OGFR: variants seen among roughly 807,000 people sequenced by gnomAD.
The protein encoded by OGFR is opioid growth factor receptor.
A neutral mutation model predicts 33.6 loss-of-function variants in OGFR; 18 were observed. The observed-to-expected ratio is 0.54, with a 90% CI of 0.37 to 0.80. The LOEUF is 0.80. Among genes scored for constraint, OGFR ranks in the 30% least tolerant of loss-of-function variants. The probability of loss-of-function intolerance (pLI) is 0.00; values close to 1 mark genes in which losing one functional copy is unlikely to be tolerated. For missense variants in OGFR, 877 were observed against 955.8 expected (o/e 0.92, Z 1.09); for synonymous variants, 370 against 400.7 (o/e 0.92, Z 0.91).
In OGFR at chr20:62,808,974, C is replaced by CAA. The variant is rs5842400; in HGVS notation, c.320-583_320-582dup. ...TGGGCAACAGAATGAGACTCTGTCTCAAAAAAAAAAAAAAAAAAAAAAAAA... is the reference window on the plus strand; with the variant it reads ...TGGGCAACAGAATGAGACTCTGTCTCAAAAAAAAAAAAAAAAAAAAAAAAAAA... On this transcript the variant is annotated intron_variant, in intron 3 of 6. Transcript: ENST00000290291. Among the ~76,000 whole-genome samples, 255 of 68,398 alleles carry CAA rather than the reference C, an allele frequency of 3.7e-3. 29 individuals are homozygous for CAA. Among genetic ancestry groups the CAA allele is most frequent in the Non-Finnish European group, 5.2e-3 (194 of 37,204 alleles). The allele number at this position is 68,398 out of a possible 152,430, so 44.9% of individuals were successfully genotyped here.
At chr20:62,809,377 T>C (rs573474571) in intron 3 of OGFR, among the ~76,000 whole-genome samples, 89 of 152,298 alleles carry the variant, frequency 5.8e-4, no homozygotes, top group Admixed American at 5.2e-3. Flanking sequence ...AGGTCACAGA[T>C]GGCAGCAGGG....
intron 2 of OGFR, chr20:62,807,836 G>A (rs1416178751): frequency 2.5e-5 from 15 of 604,534 alleles, no homozygotes; most frequent in Middle Eastern, 8.7e-4. Flanking sequence ...GCACACCGTC[G>A]CCTTGCAAAC....
chr20:62,805,552 T>G (rs1371247758), intron 1 of OGFR: 1 of 152,510 alleles, frequency 6.6e-6, no homozygotes, highest in Non-Finnish European at 1.5e-5. Flanking sequence ...GGGTTACTTT[T>G]GTTGCCGCGC....
At chr20:62,811,099 C>T (rs1363513373) in intron 5 of OGFR, among the ~76,000 whole-genome samples, 5 of 152,214 alleles carry the variant, frequency 3.3e-5, no homozygotes, top group East Asian at 1.9e-4. Context: ...CCGTGGCTCA[C>T]GTTTGTAATC....
intron 3 of OGFR, among the ~76,000 whole-genome samples, 161 bp downstream of exon 3, chr20:62,808,486 C>A (rs1363400308): frequency 6.6e-6 from 1 of 152,144 alleles, no homozygotes; most frequent in East Asian, 1.9e-4. Context: ...CTCCAGGATC[C>A]CCGGCTTGGG....
chr20:62,806,188 G>A (rs554668435), intron 1 of OGFR: 2 of 152,422 alleles, frequency 1.3e-5, no homozygotes, highest in Non-Finnish European at 1.5e-5. Context: ...CCCCAGGAAG[G>A]AGAAGTAGAA....
chr20:62,807,509 G>A, intron 1 of OGFR, 28 bp from the exon 2 acceptor site: 1 of 1,607,290 alleles, frequency 6.2e-7, no homozygotes, highest in Non-Finnish European at 8.5e-7. Context: ...TCCCATGGGG[G>A]TCCTAATCCC....
chr20:62,813,717 G>C lies in OGFR; in HGVS notation c.*68G>C. ...TGCAGGGGCTGGGGCCTCCGGAGCT[G>C]CTGCGGGCTCCCCTCAGGCTCTGCT... On this transcript the variant is annotated 3_prime_UTR_variant, in exon 7 of 7. Coordinates refer to ENST00000290291, the MANE Select transcript of OGFR (RefSeq NM_007346.4). The C allele has an allele frequency of 6.4e-7, 1 of 1,562,428 alleles. No homozygotes were observed. The highest frequency in any genetic ancestry group is 8.8e-7 in the Non-Finnish European group (1 of 1,137,272).
rs762788174 is a variant in OGFR, at chr20:62,813,743, TCGTGACC to T, written c.*103_*109del. 16 of 1,447,018 alleles carry T rather than the reference TCGTGACC, an allele frequency of 1.1e-5. No homozygotes were observed. In the South Asian group the frequency reaches 1.6e-4, roughly 15 times the overall value. 89.6% of individuals were successfully genotyped at this position (1,447,018 alleles called of 1,614,324 possible). On this transcript the variant is annotated 3_prime_UTR_variant, in exon 7 of 7. Coordinates refer to ENST00000290291, the MANE Select transcript of OGFR (RefSeq NM_007346.4). ...CTGCGGGCTCCCCTCAGGCTCTGCT[TCGTGACC>T]CGTGACCCATGACCCACAGTGCTGG...
In OGFR at chr20:62,808,076, C is replaced by G. The variant is rs529359972; in HGVS notation, c.241-171C>G. ...AAGGGGGGTCCCTGGGGCTTGGAGG[C>G]AGCTGCTGTCCTCTGAATGGCCCCC... On this transcript the variant is annotated intron_variant, in intron 2 of 6. Transcript: ENST00000290291. 607 of 684,892 alleles carry G rather than the reference C, an allele frequency of 8.9e-4. 12 individuals carry two copies. The highest frequency in any genetic ancestry group is 8.8e-3 in the South Asian group (561 of 63,846). 42.4% of individuals were successfully genotyped at this position (684,892 alleles called of 1,614,324 possible).
At chr20:62,806,478 T>C (rs1297601010) in intron 1 of OGFR, 3 of 150,842 alleles carry the variant, frequency 2.0e-5, no homozygotes. Context: ...AGGTGGAGGT[T>C]GCAGTGAGTG....
rs369092439 is a variant in OGFR at position 62,813,220 on chromosome 20, C to T, written c.1605C>T (p.Ala535=). 6.2e-5 allele frequency: 95 copies of T among 1,520,842 alleles called. No homozygotes were observed. The East Asian group carries it at 1.7e-3, about 28-fold the overall frequency. The allele number at this position is 1,520,842 out of a possible 1,614,324, so 94.2% of individuals were successfully genotyped here. A position where few individuals can be genotyped will look rare whatever the true frequency, so the allele number is the denominator to read the frequency against. ...CAGGACCTGCAGGGGACGAGCCAGC[C>T]GAGAGCCCATCGGAGACCCCAGGCC... ...SPAGPAGDEP[A]ESPSETPGPR... is the part of the protein sequence containing the mutation. Residue 535 remains alanine (A), a synonymous_variant, in exon 7 of 7, where the codon GCC becomes GCT. Coordinates refer to ENST00000290291, the MANE Select transcript of OGFR (RefSeq NM_007346.4).
At chr20:62,805,157 ACCCC>A in intron 1 of OGFR, 127 bp downstream of exon 1, 1 of 596,974 alleles carries the variant, frequency 1.7e-6, no homozygotes, top group Non-Finnish European at 2.4e-6. Context: ...AGCCCCGGGG[ACCCC>A]CCCCCAGACC....
chr20:62,806,261 G>A (rs1305946895), intron 1 of OGFR: 2 of 152,290 alleles, frequency 1.3e-5, no homozygotes, highest in African/African-American at 4.8e-5. Flanking sequence ...CAGGCCGAGA[G>A]GTCGGTGGCG....
chr20:62,807,434 G>A, intron 1 of OGFR, 103 bp from the exon 2 acceptor site: 1 of 992,332 alleles, frequency 1.0e-6, no homozygotes, highest in Non-Finnish European at 1.6e-6. Context: ...GCCCTTTAAA[G>A]ACAGCTCTGT....
chr20:62,809,871 G>A (rs1221547726), intron 4 of OGFR, among the ~76,000 whole-genome samples: 2 of 152,238 alleles, frequency 1.3e-5, no homozygotes, highest in East Asian at 3.9e-4. Context: ...CAATCTGTGG[G>A]CTCTTGGTGA....
At position 62,812,414 on chromosome 20, in the gene OGFR, C is replaced by T; in HGVS notation, c.799C>T (p.Arg267Cys). 5.1e-6 allele frequency: 8 copies of T among 1,580,112 alleles called. No individual in the cohort carries two copies. Among genetic ancestry groups the T allele is most frequent in the Non-Finnish European group, 6.0e-6 (7 of 1,164,190 alleles). The change falls in exon 7 of 7, where the codon CGC becomes TGC. Residue 267 changes from arginine to cysteine, a missense_variant. This residue lies in a region of OGFR where 760 missense variants were observed against 736.0 expected (regional missense o/e 1.03). Coordinates refer to ENST00000290291, the MANE Select transcript of OGFR (RefSeq NM_007346.4). ...FMFAVRCRHQ[R>C]RQLVHFAWEH... is the part of the protein sequence containing the mutation. Reference sequence around the variant, plus strand: ...GTTCGCCGTGCGCTGCCGACACCAGCGCCGCCAGCTGGTGCACTTCGCCTG... The same window carrying T: ...GTTCGCCGTGCGCTGCCGACACCAGTGCCGCCAGCTGGTGCACTTCGCCTG...
chr20:62,808,066 G>A (rs1990637274), intron 2 of OGFR, 181 bp from the exon 3 acceptor site: 2 of 671,730 alleles, frequency 3.0e-6, no homozygotes, highest in Non-Finnish European at 5.5e-6. Flanking sequence ...GGGTCCCTGG[G>A]GCTTGGAGGC....
At chr20:62,807,888 C>T (rs1004992908) in intron 2 of OGFR, 10 of 598,572 alleles carry the variant, frequency 1.7e-5, no homozygotes, top group East Asian at 2.8e-5. Flanking sequence ...GTGTGGGGTC[C>T]GTGATACCGC....
Sources: gnomAD v4.1 joint callset for allele counts (sites outside exome capture counted in the v4.1 genomes callset) on GRCh38, gnomAD v4.1.1 for gene constraint, gnomAD v4.1.1 regional missense constraint, MANE v1.5 for transcripts, NCBI Gene and HGNC (gene_info 2026-07-23, HGNC 2026-07-21) for gene names.